WNK1: variants seen among roughly 807,000 people sequenced by gnomAD.
WNK1 encodes the protein WNK lysine deficient protein kinase 1.
Under a neutral mutation model 222.8 loss-of-function variants are expected in WNK1, and 38 were observed. That is an observed-to-expected ratio of 0.17 (90% CI 0.13 to 0.22). The LOEUF is 0.22. Ranked by LOEUF, WNK1 falls within the 10% of genes least tolerant of loss-of-function variation. WNK1 has a pLI of 1.00. For missense variants in WNK1, 2,348 were observed against 2,918.4 expected, an observed-to-expected ratio of 0.80 and a Z score of 4.50; for synonymous variants, 1,090 against 1,092.9, an observed-to-expected ratio of 1.00 and a Z score of 0.05.
intron 2 of WNK1, 45 bp downstream of exon 2, chr12:813,859 A>G: frequency 6.2e-7 from 1 of 1,600,002 alleles, no homozygotes; most frequent in East Asian, 2.3e-5. Context: ...AGTATGAGAG[A>G]ATTTGATTTT....
rs147183327 is a variant in WNK1, at chr12:832,222, C to T, written c.1311+2062C>T. 5.3e-3 allele frequency among the ~76,000 whole-genome samples: 814 copies of T among 152,190 alleles called. 8 individuals carry two copies. Among genetic ancestry groups the T allele is most frequent in the African/African-American group, 0.018 (767 of 41,524 alleles). ...TCCCAAGTAGCTGGGACTACAGGTG[C>T]CCGCCACCACACCTGGCTAATTTTT... On this transcript the variant is annotated intron_variant, in intron 4 of 27. Transcript: ENST00000315939.
intron 1 of WNK1, among the ~76,000 whole-genome samples, chr12:786,515 T>C (rs1192647515): frequency 1.3e-5 from 2 of 150,646 alleles, no homozygotes; most frequent in Non-Finnish European, 3.0e-5. Context: ...TTGCCCAGGC[T>C]GGAGTGCAGT....
At chr12:869,245 G>C in intron 8 of WNK1, 1 of 1,286,368 alleles carries the variant, frequency 7.8e-7, no homozygotes, top group Admixed American at 1.7e-5. Flanking sequence ...CCCATCTTTG[G>C]GGGGTTGTGA....
At position 859,480 on chromosome 12, in the gene WNK1, C is replaced by T. The variant is rs1373077849; in HGVS notation, c.1620+16C>T. The T allele has an allele frequency of 1.3e-6, 2 of 1,588,370 alleles. No homozygotes were observed. The highest frequency in any genetic ancestry group is 1.7e-6 in the Non-Finnish European group (2 of 1,159,936). On this transcript the variant is annotated intron_variant, in intron 6 of 27. Coordinates refer to ENST00000315939, the MANE Select transcript of WNK1 (RefSeq NM_018979.4). ...ACAAGAAATGGTAAATTGACATTAG[C>T]CATTTTAAAATTGATTTAGACTTAT...
rs577810622 is a variant in WNK1 at position 758,158 on chromosome 12, G to A, written c.759+3834G>A. Among the ~76,000 whole-genome samples the A allele has an allele frequency of 5.5e-5, 8 of 146,336 alleles. No homozygotes were observed. In the East Asian group the frequency reaches 5.9e-4, roughly 11 times the overall value. On this transcript the variant is annotated intron_variant, in intron 1 of 27. Transcript: ENST00000315939. ...GAGTTCACATGATGCGTTATATGTT[G>A]ATGAGATTGTTTCCACATCTACCTG...
intron 4 of WNK1, among the ~76,000 whole-genome samples, chr12:839,934 G>A (rs893843304): frequency 2.0e-5 from 3 of 147,944 alleles, no homozygotes; most frequent in African/African-American, 7.5e-5. Context: ...CACCATGTTG[G>A]CCATGCTGCT....
intron 4 of WNK1, among the ~76,000 whole-genome samples, chr12:847,719 G>T (rs1191445498): frequency 6.6e-6 from 1 of 150,742 alleles, no homozygotes; most frequent in Non-Finnish European, 1.5e-5. Flanking sequence ...AGGTGGTGCA[G>T]TGTATCTAGC....
chr12:776,412 T>TTGTGTGTGTGTGTGTGTGTGTG (rs59148357), intron 1 of WNK1, among the ~76,000 whole-genome samples: 9 of 146,112 alleles, frequency 6.2e-5, no homozygotes, highest in East Asian at 2.0e-4. Flanking sequence ...GTTTGTGTGT[T>TTGTGTGTGTGTGTGTGTGTGTG]TGTGTGTGTG....
At chr12:824,943 A>G (rs1337952931) in intron 2 of WNK1, among the ~76,000 whole-genome samples, 1 of 152,216 alleles carries the variant, frequency 6.6e-6, no homozygotes, top group African/African-American at 2.4e-5. Flanking sequence ...ATTCCATAAT[A>G]AAATAAATTG....
rs1953579279 is a variant in WNK1 at position 885,626 on chromosome 12, G to A, written c.4822G>A (p.Ala1608Thr). Residue 1608 changes from alanine (A) to threonine (T), a missense_variant, in exon 19 of 28, where the codon GCC (alanine) becomes ACC (threonine). Ala to Thr is a moderately conservative substitution (Grantham distance 58). Coordinates refer to ENST00000315939, the MANE Select transcript of WNK1 (RefSeq NM_018979.4). ...PSIPPLVQPVANVPAVQQTLI... is the reference protein window; with the variant it reads ...PSIPPLVQPVTNVPAVQQTLI... ...TATCCCACCCTTGGTACAGCCTGTT[G>A]CCAATGTGCCTGCTGTACAGCAGAC... 1 of 1,614,074 alleles carries A rather than the reference G, an allele frequency of 6.2e-7. No individual in the cohort carries two copies. Among genetic ancestry groups the A allele is most frequent in the Admixed American group, 1.7e-5 (1 of 60,010 alleles).
intron 4 of WNK1, among the ~76,000 whole-genome samples, chr12:847,248 A>G (rs1336720233): frequency 6.6e-6 from 1 of 152,218 alleles, no homozygotes; most frequent in African/African-American, 2.4e-5. Context: ...CAAAGGATAT[A>G]GAAAGATTGT....
At position 883,097 on chromosome 12, in the gene WNK1, A is replaced by AG. The variant is rs745829627; in HGVS notation, c.3489+38_3489+39insG. 1.3e-5 allele frequency: 18 copies of AG among 1,417,492 alleles called. No individual in the cohort carries two copies. The African/African-American group carries it at 2.4e-4, about 19-fold the overall frequency. 87.8% of individuals were successfully genotyped at this position (1,417,492 alleles called of 1,614,324 possible). A position where few individuals can be genotyped will look rare whatever the true frequency, so the allele number is the denominator to read the frequency against. On this transcript the variant is annotated intron_variant, in intron 15 of 27. Transcript: ENST00000315939. ...TTGGAGTTCTAGGTTTTTCCTTAGT[A>AG]CTTGATCTTAATAGCCATTGCTCTA... is the stretch of plus-strand genomic sequence containing the variant.
At chr12:855,363 C>T (rs183736715) in intron 4 of WNK1, among the ~76,000 whole-genome samples, 1 of 152,164 alleles carries the variant, frequency 6.6e-6, no homozygotes, top group Admixed American at 6.5e-5. Flanking sequence ...AAAAGTTAGC[C>T]CTGCGAGTAG....
intron 7 of WNK1, among the ~76,000 whole-genome samples, chr12:861,862 T>C (rs773182580): frequency 1.3e-5 from 2 of 152,210 alleles, no homozygotes; most frequent in Non-Finnish European, 2.9e-5. Context: ...TTTCCCTTAC[T>C]CCTCAGGTGG....
In WNK1 at chr12:861,245, C is replaced by T. The variant is rs1325316305; in HGVS notation, c.1853C>T (p.Thr618Ile). The change falls in exon 7 of 28, where the codon ACC becomes ATC. Residue 618 changes from threonine (T) to isoleucine (I), a missense_variant. Coordinates refer to ENST00000315939, the MANE Select transcript of WNK1 (RefSeq NM_018979.4). ...AGCACCGGCATACCTACTGCTTCTA[C>T]CACTTCAGCTTCAGTTTCTACACAA... The part of the protein sequence containing the change: ...SASTGIPTAS[T>I]TSASVSTQVE... 1.2e-6 allele frequency: 2 copies of T among 1,614,132 alleles called. No homozygotes were observed. The highest frequency in any genetic ancestry group is 1.7e-5 in the Admixed American group (1 of 60,018).
chr12:753,425 G>A lies in WNK1; in HGVS notation c.-141G>A. The A allele has an allele frequency of 8.9e-7, 1 of 1,124,148 alleles. No individual in the cohort carries two copies. The allele number at this position is 1,124,148 out of a possible 1,614,324, so 69.6% of individuals were successfully genotyped here. A position where few individuals can be genotyped will look rare whatever the true frequency, so the allele number is the denominator to read the frequency against. On this transcript the variant is annotated 5_prime_UTR_variant, in exon 1 of 28. It adds an upstream start codon to the 5' untranslated region. Coordinates refer to ENST00000315939, the MANE Select transcript of WNK1 (RefSeq NM_018979.4). This position sits in a 1 kb window ranked among gnomAD's most constrained non-coding sequence, Gnocchi z 5.2. The stretch of plus-strand genomic sequence containing the variant: ...GCCTGTCCCTCGTTGCGGCTTGTCG[G>A]TGCTGAGTGAGGCGTCGTCCGGGTC...
At chr12:903,300 A>G (rs1955428368) in intron 26 of WNK1, among the ~76,000 whole-genome samples, 2 of 152,074 alleles carry the variant, frequency 1.3e-5, no homozygotes, top group African/African-American at 4.8e-5. Flanking sequence ...ACCCAATTCG[A>G]TCGTTTTCCA....
intron 1 of WNK1, among the ~76,000 whole-genome samples, chr12:787,469 A>T (rs1944420776): frequency 6.6e-6 from 1 of 152,204 alleles, no homozygotes; most frequent in South Asian, 2.1e-4. Flanking sequence ...AATATATGTA[A>T]AGCACCAGAA....
Position 894,548 on chromosome 12 carries a change from T to C in WNK1, c.5510-14T>C, listed in dbSNP as rs1000752127. 1 of 1,609,746 alleles carries C rather than the reference T, an allele frequency of 6.2e-7. No individual in the cohort carries two copies. Among genetic ancestry groups the C allele is most frequent in the Non-Finnish European group, 8.5e-7 (1 of 1,176,270 alleles). On this transcript the variant is annotated splice_polypyrimidine_tract_variant and intron_variant, in intron 22 of 27. Transcript: ENST00000315939. The stretch of plus-strand genomic sequence containing the variant: ...GAGACACTTATGTTTTCCTCATCCA[T>C]GTATTTGTTTCAGTTTCTCAAGTCA...
Sources: allele counts gnomAD v4.1 joint callset (sites outside exome capture counted in the v4.1 genomes callset), GRCh38; gene constraint gnomAD v4.1.1; non-coding constraint Gnocchi (gnomAD v3.1); transcripts MANE v1.5; gene names NCBI Gene and HGNC (gene_info 2026-07-23, HGNC 2026-07-21).